The following KDM7A variants were observed in gnomAD, a reference collection of about 807,000 sequenced individuals.
KDM7A encodes the protein lysine-specific demethylase 7A.
In KDM7A, 28 loss-of-function variants were observed where a neutral mutation model predicts 114.8. That is an observed-to-expected ratio of 0.24 (90% CI 0.18 to 0.33). KDM7A has a LOEUF of 0.33. KDM7A is among the 10% of genes least tolerant of loss of function. The pLI is 1.00. For missense variants in KDM7A, 942 were observed against 1,142.5 expected (o/e 0.82, Z 2.53); for synonymous variants, 423 against 397.8 (o/e 1.06, Z -0.75).
Position 140,085,616 on chromosome 7 carries a change from G to C in KDM7A, c.*5478C>G, listed in dbSNP as rs556769370. The C allele has an allele frequency of 3.3e-5, 5 of 152,296 alleles. No individual in the cohort carries two copies. The highest frequency in any genetic ancestry group is 1.2e-4 in the African/African-American group (5 of 41,546). 9.4% of individuals were successfully genotyped at this position (152,296 alleles called of 1,614,324 possible). The stretch of plus-strand genomic sequence containing the variant: ...CAGTGCTATTTCATACCTAACAACT[G>C]TATGACTTGCTTTTGCAGTCAGAAG... On this transcript the variant is annotated 3_prime_UTR_variant, in exon 20 of 20. Coordinates refer to ENST00000397560, the MANE Select transcript of KDM7A (RefSeq NM_030647.2).
At chr7:140,125,584 T>A (rs571411399) in intron 6 of KDM7A, among the ~76,000 whole-genome samples, 1 of 152,352 alleles carries the variant, frequency 6.6e-6, no homozygotes, top group East Asian at 1.9e-4. Flanking sequence ...TTTGTTTTTT[T>A]GAGATAGGGT....
intron 1 of KDM7A, among the ~76,000 whole-genome samples, chr7:140,172,049 G>A (rs1466541594): frequency 6.6e-6 from 1 of 152,096 alleles, no homozygotes; most frequent in Non-Finnish European, 1.5e-5. Flanking sequence ...TTTGGTAGGG[G>A]CTGGTTAATA....
At chr7:140,125,450 T>C (rs1168084266) in intron 6 of KDM7A, among the ~76,000 whole-genome samples, 2 of 152,246 alleles carry the variant, frequency 1.3e-5, no homozygotes, top group Admixed American at 1.3e-4. Flanking sequence ...AGGAACTGAA[T>C]TTTTAATTAC....
chr7:140,096,744 T>C lies in KDM7A; in HGVS notation c.2185A>G (p.Ser729Gly). ...CCCTGAATAGCTTCTTCCTCTGTGC[T>C]CGTCGAGGTAGGACATTCCCTAAAG... is the stretch of plus-strand genomic sequence containing the variant. ...PIKRECPTSTSTEEEAIQGML... is the reference protein window; with the variant it reads ...PIKRECPTSTGTEEEAIQGML... The change falls in exon 17 of 20, where the codon AGC (serine) becomes GGC (glycine). Residue 729 changes from serine (S) to glycine (G), a missense_variant. Transcript: ENST00000397560. The C allele has an allele frequency of 6.2e-7, 1 of 1,614,128 alleles. No homozygotes were observed. Among genetic ancestry groups the C allele is most frequent in the Non-Finnish European group, 8.5e-7 (1 of 1,179,944 alleles).
intron 19 of KDM7A, among the ~76,000 whole-genome samples, 190 bp downstream of exon 19, chr7:140,091,614 C>T (rs773456736): frequency 4.6e-5 from 7 of 152,186 alleles, no homozygotes; most frequent in Admixed American, 6.5e-5. Flanking sequence ...ATCTGTCTCT[C>T]GCTCCTCAGA....
intron 1 of KDM7A, among the ~76,000 whole-genome samples, chr7:140,170,375 C>G (rs961131675): frequency 2.0e-5 from 3 of 152,204 alleles, no homozygotes; most frequent in Admixed American, 6.5e-5. Flanking sequence ...CTCACCTATG[C>G]ACCCCTGAGA....
At chr7:140,145,241 C>A (rs1398389005) in intron 1 of KDM7A, among the ~76,000 whole-genome samples, 1 of 152,010 alleles carries the variant, frequency 6.6e-6, no homozygotes, top group East Asian at 1.9e-4. Context: ...TAGGTAAAGA[C>A]CAGAAAAGGA....
In KDM7A at chr7:140,176,220, A is replaced by G. The variant is rs541602833; in HGVS notation, c.194+524T>C. On this transcript the variant is annotated intron_variant, in intron 1 of 19. Transcript: ENST00000397560. This position sits in a 1 kb window ranked among gnomAD's most constrained non-coding sequence, Gnocchi z 4.4. ...TGATAAAGACGGGGAAGGGGGCGCGACAGGGACCCGCGGCGCGGAGGAGAC... is the reference window on the plus strand; with the variant it reads ...TGATAAAGACGGGGAAGGGGGCGCGGCAGGGACCCGCGGCGCGGAGGAGAC... Among the ~76,000 whole-genome samples the G allele has an allele frequency of 2.6e-5, 4 of 151,788 alleles. No homozygotes were observed. The East Asian group carries it at 5.9e-4, about 22-fold the overall frequency.
At chr7:140,148,594 A>T (rs1477480465) in intron 1 of KDM7A, among the ~76,000 whole-genome samples, 1 of 152,230 alleles carries the variant, frequency 6.6e-6, no homozygotes, top group African/African-American at 2.4e-5. Context: ...TGACATTCTT[A>T]CTAAAAATAC....
At chr7:140,115,999 A>T (rs897127157) in intron 9 of KDM7A, among the ~76,000 whole-genome samples, 1 of 152,112 alleles carries the variant, frequency 6.6e-6, no homozygotes, top group African/African-American at 2.4e-5. Flanking sequence ...TATCCATGAG[A>T]TTTGCAAAAA....
intron 18 of KDM7A, among the ~76,000 whole-genome samples, chr7:140,092,567 C>T (rs1386989771): frequency 6.6e-6 from 1 of 152,142 alleles, no homozygotes; most frequent in Admixed American, 6.5e-5. Flanking sequence ...TACAACTACT[C>T]TTTCAGTCTC....
In KDM7A at chr7:140,113,902, T is replaced by C. The variant is rs527597628; in HGVS notation, c.1247-320A>G. Among the ~76,000 whole-genome samples, 14 of 152,264 alleles carry C rather than the reference T, an allele frequency of 9.2e-5. No individual in the cohort carries two copies. The East Asian group carries it at 2.7e-3, about 29-fold the overall frequency. ...TTCAAGCAGTCCTCCAGCCCTGGCC[T>C]TCCAAAGTGCTGGGATTATAGGCAT... On this transcript the variant is annotated intron_variant, in intron 9 of 19. Coordinates refer to ENST00000397560, the MANE Select transcript of KDM7A (RefSeq NM_030647.2).
intron 19 of KDM7A, 78 bp downstream of exon 19, chr7:140,091,726 G>C: frequency 6.7e-7 from 1 of 1,492,108 alleles, no homozygotes; most frequent in Non-Finnish European, 9.3e-7. Flanking sequence ...CTTGAGTGCA[G>C]AGACTACACC....
chr7:140,130,315 T>A (rs534313968), intron 3 of KDM7A, among the ~76,000 whole-genome samples: 170 of 152,172 alleles, frequency 1.1e-3, no homozygotes, highest in Non-Finnish European at 2.0e-3. Flanking sequence ...AGGTAGAGTG[T>A]GCATTAGAAT....
intron 11 of KDM7A, among the ~76,000 whole-genome samples, chr7:140,110,810 T>C (rs1818418221): frequency 1.3e-5 from 2 of 152,224 alleles, no homozygotes; most frequent in Non-Finnish European, 2.9e-5. Context: ...ATTAACTGTA[T>C]CTGAAAGTTC....
At chr7:140,169,098 A>G (rs927870870) in intron 1 of KDM7A, among the ~76,000 whole-genome samples, 4 of 152,202 alleles carry the variant, frequency 2.6e-5, no homozygotes, top group African/African-American at 4.8e-5. Context: ...TTCTAACACT[A>G]TTCTCCAATA....
chr7:140,101,461 C>T lies in KDM7A; in HGVS notation c.1638+490G>A, dbSNP rs143545958. 3.2e-3 allele frequency among the ~76,000 whole-genome samples: 486 copies of T among 152,250 alleles called. 3 individuals carry two copies. Among genetic ancestry groups the T allele is most frequent in the African/African-American group, 0.011 (445 of 41,542 alleles). ...TTCTTCCTATTTGTTACTCAGCTGT[C>T]GGTTCAAACCTGAGAGGCTCTCTGA... On this transcript the variant is annotated intron_variant, in intron 12 of 19. Coordinates refer to ENST00000397560, the MANE Select transcript of KDM7A (RefSeq NM_030647.2).
intron 2 of KDM7A, 109 bp downstream of exon 2, chr7:140,138,996 G>T: frequency 1.5e-6 from 1 of 654,944 alleles, no homozygotes; most frequent in Admixed American, 2.6e-5. Flanking sequence ...GTTCTTGAAG[G>T]GTGTAATATA....
At chr7:140,139,057 G>T in intron 2 of KDM7A, 48 bp downstream of exon 2, 1 of 1,217,330 alleles carries the variant, frequency 8.2e-7, no homozygotes, top group Non-Finnish European at 1.2e-6. Flanking sequence ...AGTTTGAAAT[G>T]TCAGTTTTTC....
Sources: allele counts gnomAD v4.1 joint callset (sites outside exome capture counted in the v4.1 genomes callset), GRCh38; gene constraint gnomAD v4.1.1; non-coding constraint Gnocchi (gnomAD v3.1); transcripts MANE v1.5; gene names NCBI Gene and HGNC (gene_info 2026-07-23, HGNC 2026-07-21).